The following BCL2L11 variants were observed in gnomAD, a reference collection of about 807,000 sequenced individuals.
BCL2L11 encodes BCL2 like 11, also known as bcl-2-like protein 11.
BCL2L11 carries 15 observed loss-of-function variants against 20.6 expected under a neutral mutation model. The ratio of observed to expected loss-of-function variants is 0.73; its 90% CI spans 0.49 to 1.12. The LOEUF (loss-of-function observed/expected upper bound fraction) is 1.12. BCL2L11 is among the 50% of genes most tolerant of loss of function. The pLI is 0.00. For missense variants in BCL2L11, 292 were observed against 260.9 expected, an observed-to-expected ratio of 1.12 and a Z score of -0.82; for synonymous variants, 108 against 92.8, an observed-to-expected ratio of 1.16 and a Z score of -0.94.
intron 2 of BCL2L11, chr2:111,144,583 G>A (rs2076259508): frequency 6.7e-7 from 1 of 1,484,734 alleles, no homozygotes; most frequent in African/African-American, 1.4e-5. Context: ...GTAAGCTTTG[G>A]ATAACTCTGA....
chr2:111,153,886 G>C, intron 3 of BCL2L11: 1 of 1,549,366 alleles, frequency 6.5e-7, no homozygotes, highest in Non-Finnish European at 8.7e-7. Flanking sequence ...CCTTGAAGGA[G>C]GAGGTGAGAG....
rs902358220 is a variant in BCL2L11 at position 111,120,954 on chromosome 2, G to C, written c.-248G>C. ...GCCGCCTGGTCTGCAGTTTGTTGGA[G>C]CTCTGCGTCCAGCGCCGCTGCCGCT... On this transcript the variant is annotated 5_prime_UTR_variant, in exon 1 of 4. Coordinates refer to ENST00000393256, the MANE Select transcript of BCL2L11 (RefSeq NM_138621.5). 2 of 372,948 alleles carry C rather than the reference G, an allele frequency of 5.4e-6. No individual in the cohort carries two copies. Among genetic ancestry groups the C allele is most frequent in the Non-Finnish European group, 4.7e-6 (1 of 213,072 alleles). The allele number at this position is 372,948 out of a possible 1,614,324, so 23.1% of individuals were successfully genotyped here.
At chr2:111,127,543 A>G (rs995227908) in intron 2 of BCL2L11, among the ~76,000 whole-genome samples, 1 of 150,986 alleles carries the variant, frequency 6.6e-6, no homozygotes, top group African/African-American at 2.4e-5. Context: ...GATGCTAGCG[A>G]GTGCCTGACA....
At chr2:111,122,848 G>A in intron 1 of BCL2L11, 7 of 985,446 alleles carry the variant, frequency 7.1e-6, no homozygotes, top group Non-Finnish European at 8.4e-6. Flanking sequence ...GCGCCCGGTC[G>A]GCGAAGGGCG....
At chr2:111,143,738 G>A (rs2076149354) in intron 2 of BCL2L11, among the ~76,000 whole-genome samples, 1 of 152,180 alleles carries the variant, frequency 6.6e-6, no homozygotes, top group Non-Finnish European at 1.5e-5. Context: ...AGGGATCACA[G>A]CTCAGTCTGG....
At chr2:111,131,686 C>G (rs1396451223) in intron 2 of BCL2L11, 1 of 152,020 alleles carries the variant, frequency 6.6e-6, no homozygotes, top group Non-Finnish European at 1.5e-5. Flanking sequence ...CCTCTCTTTT[C>G]TTCTTATTGT....
chr2:111,123,944 C>T lies in BCL2L11; in HGVS notation c.199C>T (p.Pro67Ser), dbSNP rs769306974. The T allele has an allele frequency of 2.5e-6, 4 of 1,614,212 alleles. No homozygotes were observed. The highest frequency in any genetic ancestry group is 3.4e-6 in the Non-Finnish European group (4 of 1,180,006). ...CAGCCCTCAGGGCCCGCTGGCCCCACCTGCCAGCCCTGGCCCTTTTGCTAC... is the reference window on the plus strand; with the variant it reads ...CAGCCCTCAGGGCCCGCTGGCCCCATCTGCCAGCCCTGGCCCTTTTGCTAC... The part of the protein sequence containing the change: ...HGSPQGPLAP[P>S]ASPGPFATRS... Residue 67 changes from proline to serine, a missense_variant, in exon 2 of 4, where the codon CCT becomes TCT. By Grantham distance (74) the Pro-to-Ser change is moderately conservative (BLOSUM62 -1). Coordinates refer to ENST00000393256, the MANE Select transcript of BCL2L11 (RefSeq NM_138621.5).
intron 2 of BCL2L11, among the ~76,000 whole-genome samples, chr2:111,149,559 C>T (rs1261214863): frequency 2.0e-5 from 3 of 152,076 alleles, no homozygotes; most frequent in Non-Finnish European, 2.9e-5. Flanking sequence ...CTCAGGGTTT[C>T]GCTTATTTTG....
intron 3 of BCL2L11, chr2:111,161,403 C>T (rs759610468): frequency 1.3e-6 from 2 of 1,550,354 alleles, no homozygotes; most frequent in South Asian, 2.4e-5. Context: ...AACTTAAATG[C>T]ACTTTTGATT....
chr2:111,138,163 G>A (rs955357780), intron 2 of BCL2L11, among the ~76,000 whole-genome samples: 2 of 151,670 alleles, frequency 1.3e-5, no homozygotes, highest in African/African-American at 4.8e-5. Flanking sequence ...CACCCACCAC[G>A]ACGCCTGGCT....
At chr2:111,156,438 A>T (rs1199295331) in intron 3 of BCL2L11, among the ~76,000 whole-genome samples, 1 of 152,096 alleles carries the variant, frequency 6.6e-6, no homozygotes. Context: ...CAGGTTCAGC[A>T]AGAGTTTTCC....
intron 1 of BCL2L11, chr2:111,123,295 C>T: frequency 1.0e-6 from 1 of 985,510 alleles, no homozygotes; most frequent in Non-Finnish European, 1.2e-6. Context: ...ACAATGGGGC[C>T]GGAGCAGGGA....
chr2:111,126,790 T>C (rs1405321810), intron 2 of BCL2L11, among the ~76,000 whole-genome samples: 1 of 152,180 alleles, frequency 6.6e-6, no homozygotes, highest in African/African-American at 2.4e-5. Context: ...AAGAAGTCAT[T>C]ATGATTGGTT....
chr2:111,157,005 G>C (rs1014883249), intron 3 of BCL2L11, among the ~76,000 whole-genome samples: 1 of 152,204 alleles, frequency 6.6e-6, no homozygotes, highest in Non-Finnish European at 1.5e-5. Context: ...TGACCCTACT[G>C]CACATGCTGT....
intron 1 of BCL2L11, chr2:111,122,703 T>G (rs1466902874): frequency 1.0e-6 from 1 of 981,014 alleles, no homozygotes; most frequent in Non-Finnish European, 1.2e-6. Context: ...AGGCGCGGCG[T>G]GCGGAGCCCT....
At chr2:111,143,794 G>A (rs574725301) in intron 2 of BCL2L11, among the ~76,000 whole-genome samples, 1 of 152,322 alleles carries the variant, frequency 6.6e-6, no homozygotes, top group South Asian at 2.1e-4. Flanking sequence ...ATGTTAATAT[G>A]TGTGTCGGGG....
chr2:111,123,677 T>C (rs1368886779), intron 1 of BCL2L11, 56 bp from the exon 2 acceptor site: 19 of 1,362,078 alleles, frequency 1.4e-5, no homozygotes, highest in Non-Finnish European at 1.7e-5. Context: ...CTAATTTGTT[T>C]ATTCATCGAT....
At chr2:111,161,137 TTTAAC>T (rs777228298) in intron 3 of BCL2L11, among the ~76,000 whole-genome samples, 42 of 152,196 alleles carry the variant, frequency 2.8e-4, no homozygotes, top group Non-Finnish European at 2.8e-4. Flanking sequence ...GTGACCTCAT[TTTAAC>T]TTAATCACCT....
chr2:111,130,080 AAAG>A, intron 2 of BCL2L11: 1 of 391,528 alleles, frequency 2.6e-6, no homozygotes. Flanking sequence ...GGGAGGATTA[AAAG>A]AAGTATTTAT....
Sources: allele counts gnomAD v4.1 joint callset (sites outside exome capture counted in the v4.1 genomes callset), GRCh38; gene constraint gnomAD v4.1.1; transcripts MANE v1.5; gene names NCBI Gene and HGNC (gene_info 2026-07-23, HGNC 2026-07-21).